CCSER1: variants seen among roughly 807,000 people sequenced by gnomAD.
CCSER1 encodes the protein serine-rich coiled-coil domain-containing protein 1.
Under a neutral mutation model 82.0 loss-of-function variants are expected in CCSER1, and 41 were observed. The observed-to-expected ratio is 0.50, with a 90% CI of 0.39 to 0.65. The LOEUF is 0.65. CCSER1 is among the 30% of genes least tolerant of loss of function. The pLI, the probability that CCSER1 is intolerant of heterozygous loss-of-function variation, is 0.00. For synonymous variants in CCSER1, 414 were observed against 383.9 expected, an observed-to-expected ratio of 1.08 and a Z score of -0.92; for missense variants, 1,119 against 1,064.2, an observed-to-expected ratio of 1.05 and a Z score of -0.72.
chr4:91,097,968 A>T (rs891816837), intron 10 of CCSER1, among the ~76,000 whole-genome samples: 2 of 152,202 alleles, frequency 1.3e-5, no homozygotes, highest in Non-Finnish European at 2.9e-5. Context: ...TCTTTGCTGA[A>T]AACCATAAAT....
intron 1 of CCSER1, among the ~76,000 whole-genome samples, chr4:90,257,152 TAACA>T (rs1473354681): frequency 2.6e-5 from 4 of 151,990 alleles, no homozygotes; most frequent in Admixed American, 1.3e-4. Context: ...AACAGTATGT[TAACA>T]AACAAAGGAA....
chr4:91,304,857 A>G (rs1412802891), intron 10 of CCSER1, among the ~76,000 whole-genome samples: 1 of 152,078 alleles, frequency 6.6e-6, no homozygotes, highest in Non-Finnish European at 1.5e-5. Context: ...CTTAAATTAA[A>G]TATCTTCTAG....
intron 10 of CCSER1, among the ~76,000 whole-genome samples, chr4:91,170,872 A>G (rs1016260780): frequency 1.2e-4 from 18 of 152,298 alleles, no homozygotes; most frequent in African/African-American, 4.3e-4. Flanking sequence ...TATACAGCTT[A>G]TTGTACATGG....
intron 10 of CCSER1, among the ~76,000 whole-genome samples, chr4:91,289,628 G>A (rs1743595253): frequency 6.6e-6 from 1 of 151,950 alleles, no homozygotes; most frequent in Admixed American, 6.6e-5. Context: ...TTATGAACTT[G>A]AAGAGAGAGG....
chr4:91,289,671 GA>G (rs59656238), intron 10 of CCSER1, among the ~76,000 whole-genome samples: 3,389 of 151,810 alleles, frequency 0.022, 134 homozygotes, highest in African/African-American at 0.075. Flanking sequence ...AACACAAAAG[GA>G]AAAAAATATG....
At chr4:90,731,391 A>G (rs939143268) in intron 7 of CCSER1, among the ~76,000 whole-genome samples, 5 of 152,176 alleles carry the variant, frequency 3.3e-5, no homozygotes, top group African/African-American at 1.2e-4. Context: ...AGGGGATAAT[A>G]TTCAATCCTA....
intron 5 of CCSER1, among the ~76,000 whole-genome samples, chr4:90,540,846 A>G (rs1428547195): frequency 6.6e-6 from 1 of 152,120 alleles, no homozygotes; most frequent in Non-Finnish European, 1.5e-5. Flanking sequence ...TGGGAATCAC[A>G]TGACATGATG....
At chr4:90,213,580 T>A (rs1740440942) in intron 1 of CCSER1, among the ~76,000 whole-genome samples, 1 of 152,070 alleles carries the variant, frequency 6.6e-6, no homozygotes, top group African/African-American at 2.4e-5. Flanking sequence ...AACTGAACTC[T>A]GAGGAGTGTG....
chr4:91,317,266 T>G (rs1745899384), intron 10 of CCSER1, among the ~76,000 whole-genome samples: 1 of 152,042 alleles, frequency 6.6e-6, no homozygotes. Flanking sequence ...CAGCAATACA[T>G]TAGCCAGACT....
At chr4:91,292,669 T>C (rs769793099) in intron 10 of CCSER1, among the ~76,000 whole-genome samples, 2 of 152,068 alleles carry the variant, frequency 1.3e-5, no homozygotes, top group African/African-American at 2.4e-5. Context: ...AGCCCTTAAA[T>C]TGTAGCTGTA....
chr4:90,766,172 A>C (rs1352452768), intron 7 of CCSER1, among the ~76,000 whole-genome samples: 4 of 152,174 alleles, frequency 2.6e-5, no homozygotes, highest in Non-Finnish European at 4.4e-5. Context: ...TAGACAAAGC[A>C]ATCAGTGCCT....
At chr4:90,972,539 G>A (rs951668470) in intron 9 of CCSER1, among the ~76,000 whole-genome samples, 1 of 151,624 alleles carries the variant, frequency 6.6e-6, no homozygotes, top group Non-Finnish European at 1.5e-5. Context: ...ATAAATAAAT[G>A]AAGATATCCC....
chr4:90,477,344 A>T (rs1203474770), intron 5 of CCSER1, among the ~76,000 whole-genome samples: 2 of 152,220 alleles, frequency 1.3e-5, no homozygotes, highest in Non-Finnish European at 2.9e-5. Context: ...CTGTTATTGA[A>T]GTCAAGTATT....
At chr4:91,439,043 T>G (rs949894292) in intron 10 of CCSER1, among the ~76,000 whole-genome samples, 6 of 152,200 alleles carry the variant, frequency 3.9e-5, no homozygotes, top group African/African-American at 1.4e-4. Flanking sequence ...TGGAACCAAG[T>G]TGGAAAACAC....
chr4:90,513,753 A>G (rs1274573952), intron 5 of CCSER1, among the ~76,000 whole-genome samples: 2 of 152,184 alleles, frequency 1.3e-5, no homozygotes, highest in Admixed American at 1.3e-4. Flanking sequence ...GGGAGGTATG[A>G]GAGAGAATTT....
chr4:90,186,637 C>T (rs772367275), intron 1 of CCSER1, among the ~76,000 whole-genome samples: 1 of 151,956 alleles, frequency 6.6e-6, no homozygotes, highest in African/African-American at 2.4e-5. Context: ...TTTAAATATT[C>T]CTTGAGGCCT....
intron 1 of CCSER1, among the ~76,000 whole-genome samples, chr4:90,178,410 G>A (rs1166658891): frequency 1.3e-5 from 2 of 151,936 alleles, no homozygotes; most frequent in Admixed American, 1.3e-4. Context: ...CATTTTTAGG[G>A]CAGTATTTTA....
At chr4:91,168,434 C>T (rs1246141816) in intron 10 of CCSER1, among the ~76,000 whole-genome samples, 27 of 150,114 alleles carry the variant, frequency 1.8e-4, no homozygotes, top group Admixed American at 3.3e-4. Flanking sequence ...TGCCTCTGCC[C>T]GGCCGCCCTG....
chr4:90,749,126 G>C (rs1240328316), intron 7 of CCSER1, among the ~76,000 whole-genome samples: 7 of 151,788 alleles, frequency 4.6e-5, no homozygotes, highest in African/African-American at 9.7e-5. Flanking sequence ...CCTATGTCCT[G>C]AATGGTAATG....
Sources: allele counts gnomAD v4.1 joint callset (sites outside exome capture counted in the v4.1 genomes callset), GRCh38; gene constraint gnomAD v4.1.1; transcripts MANE v1.5; gene names NCBI Gene and HGNC (gene_info 2026-07-23, HGNC 2026-07-21).